The following ALG12 variants were observed in gnomAD, a reference collection of about 807,000 sequenced individuals.
The protein encoded by ALG12 is ALG12 alpha-1,6-mannosyltransferase, also known as dol-P-Man:Man(7)GlcNAc(2)-PP-Dol alpha-1,6-mannosyltransferase.
A neutral mutation model predicts 46.0 loss-of-function variants in ALG12; 36 were observed. The ratio of observed to expected loss-of-function variants is 0.78; its 90% CI spans 0.60 to 1.03. The LOEUF (loss-of-function observed/expected upper bound fraction) is 1.03, where lower values mean the gene tolerates loss of function less well. Ranked by LOEUF, ALG12 falls within the 50% of genes least tolerant of loss-of-function variation. The pLI is 0.00. For synonymous variants in ALG12, 326 were observed against 291.6 expected, an observed-to-expected ratio of 1.12 and a Z score of -1.20; for missense variants, 599 against 633.5, an observed-to-expected ratio of 0.95 and a Z score of 0.58.
the ALG12 span, among the ~76,000 whole-genome samples, chr22:49,870,574 CTG>C: frequency 1.3e-5 from 2 of 152,048 alleles, no homozygotes; most frequent in African/African-American, 4.8e-5. Context: ...TCTCTGATGA[CTG>C]TTGATGTCGA....
At chr22:49,865,220 G>A in the ALG12 span, among the ~76,000 whole-genome samples, 16,979 of 152,106 alleles carry the variant, frequency 0.11, 1,297 homozygotes, top group African/African-American at 0.21. Flanking sequence ...TTGTAACACC[G>A]TGGCAAGTAT....
chr22:49,888,941 C>T, the ALG12 span: 1 of 167,278 alleles, frequency 6.0e-6, no homozygotes, highest in African/African-American at 2.4e-5. Context: ...TCTTGCTTAG[C>T]TGTGCTCACG....
chr22:49,887,930 T>G, the ALG12 span: 1 of 167,294 alleles, frequency 6.0e-6, no homozygotes, highest in Non-Finnish European at 1.5e-5. Flanking sequence ...GTGCGTTCAA[T>G]GACACGCTGA....
chr22:49,893,621 G>T, the ALG12 span, among the ~76,000 whole-genome samples: 10 of 152,144 alleles, frequency 6.6e-5, no homozygotes, highest in South Asian at 1.9e-3. Context: ...GCAGAAACTT[G>T]TCACCAGCCA....
At chr22:49,909,016 G>C (rs1178248409) in intron 6 of ALG12, among the ~76,000 whole-genome samples, 1 of 151,656 alleles carries the variant, frequency 6.6e-6, no homozygotes, top group African/African-American at 2.4e-5. Flanking sequence ...ATCTGGGGCA[G>C]GGCTGTTTCC....
chr22:49,867,760 T>G, the ALG12 span, among the ~76,000 whole-genome samples: 1 of 152,162 alleles, frequency 6.6e-6, no homozygotes, highest in Non-Finnish European at 1.5e-5. Context: ...GCAAGGGGGC[T>G]TCCATCCTGA....
At chr22:49,904,544 A>G (rs377146248) in intron 7 of ALG12, 38 bp from the exon 8 acceptor site, 116 of 1,610,554 alleles carry the variant, frequency 7.2e-5, no homozygotes, top group Non-Finnish European at 9.3e-6. Flanking sequence ...GGCAGAACGT[A>G]ATGACAATAA....
chr22:49,877,120 A>AT, the ALG12 span, among the ~76,000 whole-genome samples: 5 of 152,112 alleles, frequency 3.3e-5, no homozygotes, highest in Admixed American at 2.6e-4. Context: ...GTGAGCTGCA[A>AT]TTTTTTTTCC....
intron 6 of ALG12, 28 bp from the exon 7 acceptor site, chr22:49,907,972 A>G (rs1479453566): frequency 3.1e-6 from 5 of 1,605,724 alleles, no homozygotes; most frequent in Non-Finnish European, 4.2e-6. Context: ...GAGGCCACGC[A>G]CCTGTCCACG....
chr22:49,894,965 G>T, the ALG12 span, among the ~76,000 whole-genome samples: 7 of 152,204 alleles, frequency 4.6e-5, no homozygotes, highest in Non-Finnish European at 8.8e-5. Flanking sequence ...GGAGGGGAGA[G>T]TTGGAGGGAG....
chr22:49,895,135 TTCA>T, the ALG12 span, among the ~76,000 whole-genome samples: 13,260 of 152,228 alleles, frequency 0.087, 698 homozygotes, highest in South Asian at 0.19. Context: ...GTAAACCCAC[TTCA>T]TTATTTTATA....
At chr22:49,884,388 G>A in the ALG12 span, 10 of 1,612,590 alleles carry the variant, frequency 6.2e-6, no homozygotes, top group South Asian at 2.2e-5. Context: ...TGTCCGTTTC[G>A]GAGAAGTGCG....
the ALG12 span, among the ~76,000 whole-genome samples, chr22:49,878,497 C>A: frequency 6.6e-6 from 1 of 152,130 alleles, no homozygotes; most frequent in African/African-American, 2.4e-5. Flanking sequence ...ATGGGCACTT[C>A]ATGGAGAAAG....
At chr22:49,865,819 C>T in the ALG12 span, among the ~76,000 whole-genome samples, 3 of 150,756 alleles carry the variant, frequency 2.0e-5, no homozygotes, top group Non-Finnish European at 4.4e-5. Flanking sequence ...TCATTGTGCT[C>T]GAAGGTCAGT....
the ALG12 span, among the ~76,000 whole-genome samples, chr22:49,882,322 C>T: frequency 5.9e-5 from 9 of 152,132 alleles, no homozygotes; most frequent in African/African-American, 1.7e-4. Flanking sequence ...GAGGCTGAGT[C>T]GGGAGGAGGG....
chr22:49,872,633 G>A, the ALG12 span, among the ~76,000 whole-genome samples: 9 of 152,074 alleles, frequency 5.9e-5, no homozygotes, highest in South Asian at 2.1e-4. Flanking sequence ...GGTCTCAAGC[G>A]AACCTCCCGT....
the ALG12 span, chr22:49,888,349 C>T: frequency 9.2e-4 from 154 of 167,120 alleles, 1 homozygote; most frequent in African/African-American, 3.4e-3. Flanking sequence ...AAATACTGTA[C>T]GTACGCTTAA....
chr22:49,880,181 C>T, the ALG12 span, among the ~76,000 whole-genome samples: 7 of 152,166 alleles, frequency 4.6e-5, no homozygotes, highest in South Asian at 8.3e-4. Context: ...AAAGAGCGGC[C>T]GTTGTTGTGA....
chr22:49,862,790 C>T, the ALG12 span, among the ~76,000 whole-genome samples: 8 of 144,746 alleles, frequency 5.5e-5, no homozygotes, highest in African/African-American at 2.6e-5. Flanking sequence ...CAACCTCTGC[C>T]TCTTGGGTTC....
Sources: gnomAD v4.1 joint callset for allele counts (sites outside exome capture counted in the v4.1 genomes callset) on GRCh38, gnomAD v4.1.1 for gene constraint, MANE v1.5 for transcripts, NCBI Gene and HGNC (gene_info 2026-07-23, HGNC 2026-07-21) for gene names.